Variants in CACNA2D2 observed in about 807,000 individuals in gnomAD.
CACNA2D2 encodes calcium voltage-gated channel auxiliary subunit alpha2delta 2.
CACNA2D2 carries 48 observed loss-of-function variants against 166.4 expected under a neutral mutation model. The observed-to-expected ratio is 0.29, with a 90% CI of 0.23 to 0.37. The LOEUF (loss-of-function observed/expected upper bound fraction) is 0.37. Among genes scored for constraint, CACNA2D2 ranks in the 10% least tolerant of loss-of-function variants. CACNA2D2 has a pLI of 1.00. For synonymous variants in CACNA2D2, 561 were observed against 573.7 expected, an observed-to-expected ratio of 0.98 and a Z score of 0.32; for missense variants, 1,122 against 1,433.0, an observed-to-expected ratio of 0.78 and a Z score of 3.50.
At chr3:50,377,432 A>G (rs1461375236) in intron 17 of CACNA2D2, 35 bp downstream of exon 17, 2 of 1,561,756 alleles carry the variant, frequency 1.3e-6, no homozygotes, top group South Asian at 1.1e-5. Flanking sequence ...TCCACATGGG[A>G]GGCAGGGTAC....
chr3:50,385,185 G>C (rs1705528099), intron 5 of CACNA2D2, among the ~76,000 whole-genome samples: 1 of 152,224 alleles, frequency 6.6e-6, no homozygotes, highest in African/African-American at 2.4e-5. Context: ...GGTGTGCAAG[G>C]GGGAGGGGAG....
intron 3 of CACNA2D2, among the ~76,000 whole-genome samples, chr3:50,415,511 G>GA (rs1162529278): frequency 6.6e-6 from 1 of 152,026 alleles, no homozygotes; most frequent in African/African-American, 2.4e-5. Flanking sequence ...GCTGACAAAT[G>GA]AAAAAAAAGT....
At chr3:50,465,246 C>A (rs961552489) in intron 2 of CACNA2D2, among the ~76,000 whole-genome samples, 3 of 152,214 alleles carry the variant, frequency 2.0e-5, no homozygotes, top group African/African-American at 7.2e-5. Context: ...ATAGTAATTG[C>A]TTTTTATATA....
chr3:50,439,335 C>A (rs1055498971), intron 2 of CACNA2D2, among the ~76,000 whole-genome samples: 1 of 152,248 alleles, frequency 6.6e-6, no homozygotes, highest in Non-Finnish European at 1.5e-5. Flanking sequence ...TCAAAACAGG[C>A]ACTCGCACGC....
In CACNA2D2 at chr3:50,364,527, CAGACTCTCA is replaced by C. The variant is rs1209331344; in HGVS notation, c.*130_*138del. The C allele has an allele frequency of 6.4e-6, 7 of 1,096,018 alleles. No homozygotes were observed. In the African/African-American group the frequency reaches 1.1e-4, roughly 17 times the overall value. 67.9% of individuals were successfully genotyped at this position (1,096,018 alleles called of 1,614,324 possible). On this transcript the variant is annotated 3_prime_UTR_variant, in exon 38 of 38. Transcript: ENST00000424201. ...GGACTCCCCATCCCAAGGCGCAGAC[CAGACTCTCA>C]GGGCCTGGCCAGCTCAGGTCCTTCA...
At position 50,380,150 on chromosome 3, in the gene CACNA2D2, C is replaced by G; in HGVS notation, c.843-132G>C. ...TGTGGGCCAGGCAGGGTTCTATGCA[C>G]CGATGATACCACATTTAACGAAACA... On this transcript the variant is annotated intron_variant, in intron 8 of 37. Transcript: ENST00000424201. This position sits in a 1 kb window ranked among gnomAD's most constrained non-coding sequence, Gnocchi z 4.9. The G allele has an allele frequency of 1.2e-6, 1 of 817,146 alleles. No individual in the cohort carries two copies. The highest frequency in any genetic ancestry group is 2.1e-5 in the Admixed American group (1 of 47,936). 50.6% of individuals were successfully genotyped at this position (817,146 alleles called of 1,614,324 possible).
intron 3 of CACNA2D2, among the ~76,000 whole-genome samples, chr3:50,420,980 C>A (rs1417069093): frequency 6.6e-6 from 1 of 152,200 alleles, no homozygotes; most frequent in Admixed American, 6.5e-5. Flanking sequence ...TGGGGCAGGG[C>A]TCAGTCAGGC....
intron 3 of CACNA2D2, among the ~76,000 whole-genome samples, chr3:50,411,405 C>A (rs996526955): frequency 6.6e-6 from 1 of 152,144 alleles, no homozygotes; most frequent in East Asian, 1.9e-4. Flanking sequence ...TCTGGCCCCA[C>A]CAGAGTGGAG....
At position 50,365,453 on chromosome 3, in the gene CACNA2D2, T is replaced by A; in HGVS notation, c.3001A>T (p.Thr1001Ser). Reference protein sequence around the residue: ...DPAEAEGSPETRESSCVMKQT... With the variant: ...DPAEAEGSPESRESSCVMKQT... ...TTCATGACGCAGCTGCTCTCGCGCG[T>A]CTCGGGGCTCCCCTCGGCCTCCGCG... Residue 1001 changes from threonine (T) to serine (S), a missense_variant, in exon 35 of 38, where the codon ACG (threonine) becomes TCG (serine). Around this residue, in one of 2 missense-constraint regions of CACNA2D2, gnomAD observed 282 missense variants for 266.2 expected, o/e 1.06. Transcript: ENST00000424201. This position sits in a 1 kb window ranked among gnomAD's most constrained non-coding sequence, Gnocchi z 4.5. 1 of 1,613,528 alleles carries A rather than the reference T, an allele frequency of 6.2e-7. No individual in the cohort carries two copies. Among genetic ancestry groups the A allele is most frequent in the Non-Finnish European group, 8.5e-7 (1 of 1,179,878 alleles).
chr3:50,398,344 C>A (rs1706263894), intron 3 of CACNA2D2, among the ~76,000 whole-genome samples: 1 of 152,202 alleles, frequency 6.6e-6, no homozygotes, highest in Admixed American at 6.5e-5. Context: ...CCTGCCCAGA[C>A]TCCTCTAGCC....
intron 3 of CACNA2D2, among the ~76,000 whole-genome samples, chr3:50,401,672 T>C (rs1706460370): frequency 6.6e-6 from 1 of 152,188 alleles, no homozygotes; most frequent in South Asian, 2.1e-4. Context: ...CTCTTATTAC[T>C]GTTATGTTAC....
chr3:50,467,956 C>A (rs1355460056), intron 2 of CACNA2D2, among the ~76,000 whole-genome samples: 1 of 152,238 alleles, frequency 6.6e-6, no homozygotes, highest in East Asian at 1.9e-4. Context: ...TCCTGCCGCC[C>A]CTGGGGCCGG....
At chr3:50,403,957 G>A (rs1470792789) in intron 3 of CACNA2D2, among the ~76,000 whole-genome samples, 1 of 152,200 alleles carries the variant, frequency 6.6e-6, no homozygotes, top group Non-Finnish European at 1.5e-5. Flanking sequence ...CCCAGATGTG[G>A]TCCCTTGAAG....
intron 2 of CACNA2D2, among the ~76,000 whole-genome samples, chr3:50,437,419 C>T (rs935849234): frequency 3.3e-5 from 5 of 152,210 alleles, no homozygotes; most frequent in African/African-American, 1.2e-4. Context: ...GAGAGGAGAG[C>T]AGAATCCCAG....
intron 2 of CACNA2D2, among the ~76,000 whole-genome samples, chr3:50,449,684 T>TA (rs1313298656): frequency 6.6e-6 from 1 of 152,142 alleles, no homozygotes; most frequent in Non-Finnish European, 1.5e-5. Flanking sequence ...AGAAGGGTCT[T>TA]AAAGCGTGGC....
chr3:50,473,983 T>C (rs1710204230), intron 2 of CACNA2D2, among the ~76,000 whole-genome samples: 2 of 152,216 alleles, frequency 1.3e-5, no homozygotes, highest in South Asian at 2.1e-4. Flanking sequence ...TCAGCACTTC[T>C]CTGCCTGCCT....
In CACNA2D2 at chr3:50,375,745, CA is replaced by C. The variant is rs748633502; in HGVS notation, c.1846-41del. 1.2e-6 allele frequency: 2 copies of C among 1,612,962 alleles called. No individual in the cohort carries two copies. The highest frequency in any genetic ancestry group is 2.7e-5 in the African/African-American group (2 of 75,028). On this transcript the variant is annotated intron_variant, in intron 20 of 37. Coordinates refer to ENST00000424201, the MANE Select transcript of CACNA2D2 (RefSeq NM_006030.4). This position sits in a 1 kb window ranked among gnomAD's most constrained non-coding sequence, Gnocchi z 4.0. Reference sequence around the variant, plus strand: ...TGGGTCAGGTACTTGGGCTAGCAGGCAGGGGGCGCTGGGGTAGAAGGGTGCC... The same window carrying C: ...TGGGTCAGGTACTTGGGCTAGCAGGCGGGGGCGCTGGGGTAGAAGGGTGCC...
intron 24 of CACNA2D2, 79 bp downstream of exon 24, chr3:50,368,059 C>T: frequency 8.0e-7 from 1 of 1,251,366 alleles, no homozygotes. Flanking sequence ...TCCACACCTG[C>T]CCGGCCTCTG....
intron 3 of CACNA2D2, among the ~76,000 whole-genome samples, chr3:50,405,593 G>A (rs916643392): frequency 6.6e-6 from 1 of 152,194 alleles, no homozygotes; most frequent in Non-Finnish European, 1.5e-5. Flanking sequence ...GAAACGGTAG[G>A]TCTGCTCAGT....
Sources: gnomAD v4.1 joint callset for allele counts (sites outside exome capture counted in the v4.1 genomes callset) on GRCh38, gnomAD v4.1.1 for gene constraint, gnomAD v4.1.1 regional missense constraint, Gnocchi (gnomAD v3.1) non-coding constraint, MANE v1.5 for transcripts, NCBI Gene and HGNC (gene_info 2026-07-23, HGNC 2026-07-21) for gene names.